PTPRD: variants seen among roughly 807,000 people sequenced by gnomAD.
PTPRD encodes the protein receptor-type tyrosine-protein phosphatase delta.
In PTPRD, 34 loss-of-function variants were observed where a neutral mutation model predicts 214.5. The observed-to-expected ratio is 0.16, with a 90% CI of 0.12 to 0.21. The LOEUF (loss-of-function observed/expected upper bound fraction) is 0.21, where lower values mean the gene tolerates loss of function less well. Ranked by LOEUF, PTPRD falls within the 10% of genes least tolerant of loss-of-function variation. The pLI is 1.00. For missense variants in PTPRD, 2,545 were observed against 2,398.7 expected, an observed-to-expected ratio of 1.06 and a Z score of -1.27; for synonymous variants, 1,128 against 845.7, an observed-to-expected ratio of 1.33 and a Z score of -5.79.
At chr9:9,331,153 G>T (rs1246954200) in intron 9 of PTPRD, among the ~76,000 whole-genome samples, 1 of 152,000 alleles carries the variant, frequency 6.6e-6, no homozygotes, top group Admixed American at 6.6e-5. Flanking sequence ...ATTGCCATGT[G>T]ATAATGCTTA....
At chr9:8,606,723 A>G (rs1006201008) in intron 14 of PTPRD, among the ~76,000 whole-genome samples, 1 of 152,208 alleles carries the variant, frequency 6.6e-6, no homozygotes, top group South Asian at 2.1e-4. Context: ...TATTTTGTTT[A>G]TATTTTATGC....
intron 11 of PTPRD, among the ~76,000 whole-genome samples, chr9:8,820,432 A>T (rs2154526406): frequency 6.6e-6 from 1 of 152,268 alleles, no homozygotes; most frequent in African/African-American, 2.4e-5. Flanking sequence ...TACAGAATAT[A>T]TTTATAATTT....
At chr9:8,743,115 G>GC (rs887738565) in intron 11 of PTPRD, among the ~76,000 whole-genome samples, 7 of 26,290 alleles carry the variant, frequency 2.7e-4, no homozygotes, top group Non-Finnish European at 7.9e-4. Context: ...AAAAAAAAAA[G>GC]GGGGGGGGGA....
intron 2 of PTPRD, among the ~76,000 whole-genome samples, chr9:10,549,225 C>T (rs531549213): frequency 6.6e-6 from 1 of 152,188 alleles, no homozygotes; most frequent in South Asian, 2.1e-4. Context: ...AATGTAAGTA[C>T]TGCTTTTAAA....
At chr9:10,122,949 G>C (rs571463489) in intron 3 of PTPRD, among the ~76,000 whole-genome samples, 3 of 152,214 alleles carry the variant, frequency 2.0e-5, no homozygotes, top group Non-Finnish European at 4.4e-5. Context: ...AAAGCAGGCA[G>C]AGCTGCCTTT....
At chr9:9,306,297 C>G (rs1317156580) in intron 9 of PTPRD, among the ~76,000 whole-genome samples, 1 of 150,630 alleles carries the variant, frequency 6.6e-6, no homozygotes, top group East Asian at 2.0e-4. Flanking sequence ...GGCGCAGTGG[C>G]TCACACCTGT....
chr9:9,570,952 C>T (rs143893332), intron 8 of PTPRD, among the ~76,000 whole-genome samples: 1 of 151,494 alleles, frequency 6.6e-6, no homozygotes, highest in East Asian at 1.9e-4. Context: ...AGAACTGAAA[C>T]ACGTTAGCTA....
rs77364013 is a variant in PTPRD, at chr9:10,473,560, G to T, written c.-599-132543C>A. On this transcript the variant is annotated intron_variant, in intron 2 of 45. Coordinates refer to ENST00000381196, the MANE Select transcript of PTPRD (RefSeq NM_002839.4). ...TACACATATGTGTTTGTATGGAATT[G>T]TAACATCAGAACTAAATTTACTCAT... Among the ~76,000 whole-genome samples, 28 of 152,214 alleles carry T rather than the reference G, an allele frequency of 1.8e-4. No individual in the cohort carries two copies. In the East Asian group the frequency reaches 5.2e-3, roughly 28 times the overall value.
At chr9:9,966,032 G>A (rs947404933) in intron 4 of PTPRD, among the ~76,000 whole-genome samples, 2 of 152,108 alleles carry the variant, frequency 1.3e-5, no homozygotes, top group Non-Finnish European at 2.9e-5. Flanking sequence ...ATTTGAGAGA[G>A]GCTTGGGACT....
chr9:8,930,465 G>C (rs1364594168), intron 11 of PTPRD, among the ~76,000 whole-genome samples: 1 of 152,068 alleles, frequency 6.6e-6, no homozygotes, highest in African/African-American at 2.4e-5. Context: ...ATAATCCTTT[G>C]GGTATATACC....
intron 8 of PTPRD, among the ~76,000 whole-genome samples, chr9:9,495,436 G>T (rs1239581541): frequency 6.6e-6 from 1 of 151,850 alleles, no homozygotes; most frequent in African/African-American, 2.4e-5. Flanking sequence ...TCTGAATAAT[G>T]CCTTTTTACC....
intron 5 of PTPRD, among the ~76,000 whole-genome samples, chr9:9,855,494 C>A (rs375707636): frequency 6.6e-6 from 1 of 152,138 alleles, no homozygotes; most frequent in African/African-American, 2.4e-5. Context: ...GAAATTAAAA[C>A]CTACTTTAAA....
intron 14 of PTPRD, among the ~76,000 whole-genome samples, chr9:8,599,772 C>T (rs1031177524): frequency 2.6e-5 from 4 of 152,014 alleles, no homozygotes; most frequent in Admixed American, 2.0e-4. Context: ...CGTGCGCCAC[C>T]ACGCCTGGAT....
At chr9:10,317,097 C>T (rs186792327) in intron 3 of PTPRD, among the ~76,000 whole-genome samples, 2 of 151,968 alleles carry the variant, frequency 1.3e-5, no homozygotes, top group East Asian at 1.9e-4. Context: ...GTTTATTTCC[C>T]TTGTGACACT....
chr9:10,022,450 T>C (rs917437467), intron 4 of PTPRD, among the ~76,000 whole-genome samples: 2 of 151,428 alleles, frequency 1.3e-5, no homozygotes, highest in Admixed American at 6.6e-5. Context: ...AGAGAATCAC[T>C]TTCCCTTTCA....
intron 2 of PTPRD, among the ~76,000 whole-genome samples, chr9:10,545,609 A>G (rs564385280): frequency 6.6e-6 from 1 of 152,290 alleles, no homozygotes; most frequent in Admixed American, 6.5e-5. Flanking sequence ...CAACTACTCA[A>G]AAATAAGTTA....
At chr9:10,486,800 G>A (rs367660592) in intron 2 of PTPRD, among the ~76,000 whole-genome samples, 2 of 152,162 alleles carry the variant, frequency 1.3e-5, no homozygotes, top group African/African-American at 4.8e-5. Flanking sequence ...AAAATGATCT[G>A]TAAATGTTTA....
At chr9:8,823,048 C>T (rs556054715) in intron 11 of PTPRD, among the ~76,000 whole-genome samples, 3 of 152,262 alleles carry the variant, frequency 2.0e-5, no homozygotes, top group African/African-American at 7.2e-5. Context: ...TCTAGTAAGA[C>T]ATTTAATACT....
intron 5 of PTPRD, among the ~76,000 whole-genome samples, chr9:9,795,023 A>G (rs1393541779): frequency 6.6e-6 from 1 of 152,198 alleles, no homozygotes; most frequent in East Asian, 1.9e-4. Context: ...TTGAGCTTCA[A>G]TGTGCTCACT....
Sources: gnomAD v4.1 joint callset for allele counts (sites outside exome capture counted in the v4.1 genomes callset) on GRCh38, gnomAD v4.1.1 for gene constraint, MANE v1.5 for transcripts, NCBI Gene and HGNC (gene_info 2026-07-23, HGNC 2026-07-21) for gene names.